CDH11: variants seen among roughly 807,000 people sequenced by gnomAD.
CDH11 encodes cadherin-11.
A neutral mutation model predicts 67.8 loss-of-function variants in CDH11; 11 were observed. That is an observed-to-expected ratio of 0.16 (90% CI 0.10 to 0.27). The LOEUF (loss-of-function observed/expected upper bound fraction) is 0.27, where lower values mean the gene tolerates loss of function less well. Ranked by LOEUF, CDH11 falls within the 10% of genes least tolerant of loss-of-function variation. The pLI is 1.00. For missense variants in CDH11, 847 were observed against 1,031.2 expected (o/e 0.82, Z 2.45); for synonymous variants, 419 against 400.0 (o/e 1.05, Z -0.57).
chr16:64,983,159 T>G (rs555129561), intron 7 of CDH11: 1 of 148,796 alleles, frequency 6.7e-6, no homozygotes, highest in Non-Finnish European at 1.5e-5. Context: ...AAAAAAAGAA[T>G]GCATATATAT....
chr16:65,070,595 A>G (rs1284143396), intron 1 of CDH11, among the ~76,000 whole-genome samples: 1 of 152,184 alleles, frequency 6.6e-6, no homozygotes, highest in Non-Finnish European at 1.5e-5. Context: ...TGAGCAATAA[A>G]TTTTACCCAA....
At chr16:65,051,087 T>C (rs1244120942) in intron 2 of CDH11, among the ~76,000 whole-genome samples, 1 of 152,126 alleles carries the variant, frequency 6.6e-6, no homozygotes, top group Non-Finnish European at 1.5e-5. Flanking sequence ...AATAAGCAAA[T>C]GCAAGAGGAG....
chr16:65,021,425 T>C (rs541270932), intron 2 of CDH11, among the ~76,000 whole-genome samples: 21 of 152,078 alleles, frequency 1.4e-4, no homozygotes, highest in Non-Finnish European at 3.1e-4. Flanking sequence ...CATCCTCTCA[T>C]ATGAGTCTCA....
chr16:65,102,963 A>G lies in CDH11; in HGVS notation c.-298+18917T>C, dbSNP rs75486242. On this transcript the variant is annotated intron_variant, in intron 1 of 12. Coordinates refer to ENST00000268603, the MANE Select transcript of CDH11 (RefSeq NM_001797.4). ...GTATTTTGGTTCTCTACTGCTGTCTATCAATTCACCCACAACAACTGCAAC... is the reference window on the plus strand; with the variant it reads ...GTATTTTGGTTCTCTACTGCTGTCTGTCAATTCACCCACAACAACTGCAAC... Among the ~76,000 whole-genome samples the G allele has an allele frequency of 4.0e-3, 615 of 152,318 alleles. 3 individuals carry two copies. Among genetic ancestry groups the G allele is most frequent in the Non-Finnish European group, 5.0e-3 (338 of 68,034 alleles).
chr16:64,967,235 G>A (rs930348577), intron 11 of CDH11, among the ~76,000 whole-genome samples: 2 of 152,038 alleles, frequency 1.3e-5, no homozygotes. Context: ...TTGTTTGTTT[G>A]TTTGTTGCAC....
At chr16:64,999,545 T>G (rs2072864046) in intron 3 of CDH11, among the ~76,000 whole-genome samples, 1 of 152,172 alleles carries the variant, frequency 6.6e-6, no homozygotes, top group Non-Finnish European at 1.5e-5. Flanking sequence ...GGTTTTTCTT[T>G]TTTTTTGAGG....
chr16:64,947,692 C>T lies in CDH11; in HGVS notation c.2302G>A (p.Asp768Asn). The change falls in exon 13 of 13, where the codon GAC becomes AAC. Residue 768 changes from aspartate to asparagine, a missense_variant. By Grantham distance (23) the Asp-to-Asn change is conservative (BLOSUM62 1). Around this residue, in one of 2 missense-constraint regions of CDH11, gnomAD observed 612 missense variants for 678.7 expected, o/e 0.90. Transcript: ENST00000268603. ...CCCCAGTTCTGTAGATAATCATAGTCCAAGTCTGAATCTGTGGTGGCCGAC... is the reference window on the plus strand; with the variant it reads ...CCCCAGTTCTGTAGATAATCATAGTTCAAGTCTGAATCTGTGGTGGCCGAC... Reference protein sequence around the residue: ...LESATTDSDLDYDYLQNWGPR... With the variant: ...LESATTDSDLNYDYLQNWGPR... The T allele has an allele frequency of 6.2e-7, 1 of 1,614,098 alleles. No homozygotes were observed. Among genetic ancestry groups the T allele is most frequent in the Non-Finnish European group, 8.5e-7 (1 of 1,179,990 alleles).
rs72790874 is a variant in CDH11 at position 64,990,623 on chromosome 16, C to T, written c.811+1145G>A. Among the ~76,000 whole-genome samples, 1,234 of 152,266 alleles carry T rather than the reference C, an allele frequency of 8.1e-3. 9 individuals carry two copies. The highest frequency in any genetic ancestry group is 0.014 in the Non-Finnish European group (940 of 68,016). ...TCTAGGGCAACTTATGCACTTTTTACGGAAACCAGTTTTATCTGTAAAATG... is the reference window on the plus strand; with the variant it reads ...TCTAGGGCAACTTATGCACTTTTTATGGAAACCAGTTTTATCTGTAAAATG... On this transcript the variant is annotated intron_variant, in intron 6 of 12. Transcript: ENST00000268603.
At chr16:65,013,295 A>G (rs1278413454) in intron 2 of CDH11, among the ~76,000 whole-genome samples, 3 of 152,140 alleles carry the variant, frequency 2.0e-5, no homozygotes, top group Non-Finnish European at 4.4e-5. Flanking sequence ...AGGAATCAGG[A>G]CTTTACTGGA....
intron 12 of CDH11, 128 bp downstream of exon 12, chr16:64,950,639 T>C (rs1471394131): frequency 2.2e-5 from 15 of 695,030 alleles, no homozygotes; most frequent in South Asian, 1.3e-4. Context: ...ACCCCACTTC[T>C]TTTCTTGAAC....
Position 64,972,905 on chromosome 16 carries a change from G to T in CDH11, c.1389C>A (p.Ile463=). 1 of 1,613,758 alleles carries T rather than the reference G, an allele frequency of 6.2e-7. No individual in the cohort carries two copies. Among genetic ancestry groups the T allele is most frequent in the Non-Finnish European group, 8.5e-7 (1 of 1,179,798 alleles). ...CAAAACCATGAGGAGAATACTTACG[G>T]ATTTCTGCTGCAAAGACAGTGATGT... ...WLNITVFAAE[I]HNRHQEAKVP... Residue 463 remains isoleucine, a splice_region_variant and synonymous_variant, in exon 9 of 13, where the codon ATC becomes ATA. Coordinates refer to ENST00000268603, the MANE Select transcript of CDH11 (RefSeq NM_001797.4).
intron 4 of CDH11, among the ~76,000 whole-genome samples, chr16:64,995,908 A>AG (rs534694520): frequency 1.4e-3 from 208 of 152,350 alleles, no homozygotes; most frequent in Non-Finnish European, 2.5e-3. Flanking sequence ...AAGTAAAAAA[A>AG]CAATGTGGGC....
intron 1 of CDH11, chr16:65,059,794 G>A (rs531583167): frequency 3.9e-5 from 6 of 152,290 alleles, no homozygotes; most frequent in South Asian, 2.1e-4. Context: ...AATGTCTTTC[G>A]TTGTACCCAA....
At chr16:65,009,508 A>G (rs546688202) in intron 2 of CDH11, among the ~76,000 whole-genome samples, 10 of 152,146 alleles carry the variant, frequency 6.6e-5, no homozygotes, top group Non-Finnish European at 1.3e-4. Flanking sequence ...TATTTCTAGA[A>G]TTGAGAGAAC....
intron 11 of CDH11, among the ~76,000 whole-genome samples, chr16:64,970,211 C>T (rs941565072): frequency 1.3e-5 from 2 of 152,128 alleles, no homozygotes; most frequent in African/African-American, 4.8e-5. Flanking sequence ...GGGCATTTTG[C>T]CTCATTGTCT....
At chr16:64,999,127 C>T (rs7190541) in intron 3 of CDH11, among the ~76,000 whole-genome samples, 2,094 of 152,172 alleles carry the variant, frequency 0.014, 58 homozygotes, top group African/African-American at 0.048. Flanking sequence ...CATATATATG[C>T]GCATATGCAA....
rs2071176149 is a variant in CDH11 at position 64,945,302 on chromosome 16, A to AAAAAAAAAAAAAAAAAAAAAG, written c.*2300_*2301insCTTTTTTTTTTTTTTTTTTTT. 1 of 17,562 alleles carries AAAAAAAAAAAAAAAAAAAAAG rather than the reference A, an allele frequency of 5.7e-5. No homozygotes were observed. The highest frequency in any genetic ancestry group is 7.4e-5 in the Non-Finnish European group (1 of 13,436). The allele number at this position is 17,562 out of a possible 1,614,324, so 1.1% of individuals were successfully genotyped here. A position where few individuals can be genotyped will look rare whatever the true frequency, so the allele number is the denominator to read the frequency against. On this transcript the variant is annotated 3_prime_UTR_variant, in exon 13 of 13. Transcript: ENST00000268603. ...GAGGCTTAACGAAAAAATAAAAGGT[A>AAAAAAAAAAAAAAAAAAAAAG]AAAAAAAAAAAAAAAAAGAAAAAGA... is the stretch of plus-strand genomic sequence containing the variant.
At chr16:65,037,148 T>C (rs1488800106) in intron 2 of CDH11, among the ~76,000 whole-genome samples, 2 of 152,172 alleles carry the variant, frequency 1.3e-5, no homozygotes, top group Non-Finnish European at 2.9e-5. Flanking sequence ...CTGAGAGATC[T>C]AAGAAGCTAA....
At chr16:65,110,233 T>A (rs1194748234) in intron 1 of CDH11, among the ~76,000 whole-genome samples, 1 of 152,178 alleles carries the variant, frequency 6.6e-6, no homozygotes, top group East Asian at 1.9e-4. Flanking sequence ...CTCTCAACAT[T>A]CTATATGGCC....
Sources: gnomAD v4.1 joint callset for allele counts (sites outside exome capture counted in the v4.1 genomes callset) on GRCh38, gnomAD v4.1.1 for gene constraint, gnomAD v4.1.1 regional missense constraint, MANE v1.5 for transcripts, NCBI Gene and HGNC (gene_info 2026-07-23, HGNC 2026-07-21) for gene names.